Variants in PDE2A observed in about 807,000 individuals in gnomAD.
PDE2A encodes cGMP-dependent 3',5'-cyclic phosphodiesterase.
In PDE2A, 53 loss-of-function variants were observed where a neutral mutation model predicts 133.6. That is an observed-to-expected ratio of 0.40 (90% CI 0.32 to 0.50). The LOEUF is 0.50. Ranked by LOEUF, PDE2A falls within the 20% of genes least tolerant of loss-of-function variation. The pLI, the probability that PDE2A is intolerant of heterozygous loss-of-function variation, is 0.73. For missense variants in PDE2A, 796 were observed against 1,232.4 expected (o/e 0.65, Z 5.30); for synonymous variants, 491 against 490.2 (o/e 1.00, Z -0.02).
At chr11:72,615,907 G>A (rs1485592103) in intron 2 of PDE2A, among the ~76,000 whole-genome samples, 1 of 152,198 alleles carries the variant, frequency 6.6e-6, no homozygotes, top group South Asian at 2.1e-4. Context: ...GGGTGTGCAA[G>A]CAAGGGCCAA....
chr11:72,670,885 CG>C (rs1425571967), intron 1 of PDE2A, among the ~76,000 whole-genome samples: 2 of 139,918 alleles, frequency 1.4e-5, no homozygotes, highest in Non-Finnish European at 3.2e-5. Context: ...ATCCTATGTC[CG>C]GGGGTATACA....
chr11:72,633,881 C>CCTGGA (rs1052511910), intron 2 of PDE2A, among the ~76,000 whole-genome samples: 1 of 152,158 alleles, frequency 6.6e-6, no homozygotes, highest in African/African-American at 2.4e-5. Flanking sequence ...GTTCTCAAAC[C>CCTGGA]CTGGACGCCT....
chr11:72,589,292 G>T lies in PDE2A; in HGVS notation c.874-52C>A, dbSNP rs754169497. 15 of 1,345,912 alleles carry T rather than the reference G, an allele frequency of 1.1e-5. No individual in the cohort carries two copies. The South Asian group carries it at 1.3e-4, about 12-fold the overall frequency. 83.4% of individuals were successfully genotyped at this position (1,345,912 alleles called of 1,614,324 possible). A position where few individuals can be genotyped will look rare whatever the true frequency, so the allele number is the denominator to read the frequency against. ...GGGCCCAGTACTCCCCAGGTCAGGGGATCTCAACCTGTCCCCACCCTCAAA... is the reference window on the plus strand; with the variant it reads ...GGGCCCAGTACTCCCCAGGTCAGGGTATCTCAACCTGTCCCCACCCTCAAA... On this transcript the variant is annotated intron_variant, in intron 11 of 30. Transcript: ENST00000334456.
chr11:72,606,195 G>T (rs1310983961), intron 3 of PDE2A, among the ~76,000 whole-genome samples: 2 of 151,850 alleles, frequency 1.3e-5, no homozygotes, highest in African/African-American at 4.8e-5. Context: ...AAGCAGAACT[G>T]GCAACCCTTC....
Position 72,578,792 on chromosome 11 carries a change from C to T in PDE2A, c.2469+105G>A. On this transcript the variant is annotated intron_variant, in intron 28 of 30. Coordinates refer to ENST00000334456, the MANE Select transcript of PDE2A (RefSeq NM_002599.5). The surrounding 1 kb of genome is among the most constrained non-coding windows in gnomAD (Gnocchi z 4.2). Reference sequence around the variant, plus strand: ...GGTCTAGGTTTCTGTCTCCCCAGAACACAGCCAGGCTGAGCTGAGCAGAGA... The same window carrying T: ...GGTCTAGGTTTCTGTCTCCCCAGAATACAGCCAGGCTGAGCTGAGCAGAGA... 1 of 743,992 alleles carries T rather than the reference C, an allele frequency of 1.3e-6. No homozygotes were observed. The highest frequency in any genetic ancestry group is 1.6e-5 in the South Asian group (1 of 62,558). 46.1% of individuals were successfully genotyped at this position (743,992 alleles called of 1,614,324 possible). A position where few individuals can be genotyped will look rare whatever the true frequency, so the allele number is the denominator to read the frequency against.
At chr11:72,588,991 G>C in intron 12 of PDE2A, 77 bp from the exon 13 acceptor site, 1 of 1,485,370 alleles carries the variant, frequency 6.7e-7, no homozygotes, top group Admixed American at 1.8e-5. Flanking sequence ...ATCACATTTT[G>C]CAACAGGCAG....
At position 72,576,211 on chromosome 11, in the gene PDE2A, CAG is replaced by C. The variant is rs1855470493; in HGVS notation, c.*1171_*1172del. 1 of 152,522 alleles carries C rather than the reference CAG, an allele frequency of 6.6e-6. No homozygotes were observed. The highest frequency in any genetic ancestry group is 6.5e-5 in the Admixed American group (1 of 15,278). The allele number at this position is 152,522 out of a possible 1,614,324, so 9.4% of individuals were successfully genotyped here. A position where few individuals can be genotyped will look rare whatever the true frequency, so the allele number is the denominator to read the frequency against. ...CACGGGACCATATACGACAGTTGCA[CAG>C]AGTCCTAGAAAAACGCATCTCTCTA... On this transcript the variant is annotated 3_prime_UTR_variant, in exon 31 of 31. Coordinates refer to ENST00000334456, the MANE Select transcript of PDE2A (RefSeq NM_002599.5).
At chr11:72,606,222 C>G (rs1856967011) in intron 3 of PDE2A, among the ~76,000 whole-genome samples, 1 of 152,004 alleles carries the variant, frequency 6.6e-6, no homozygotes, top group Non-Finnish European at 1.5e-5. Flanking sequence ...CCTGACCAAC[C>G]CCCATGCAAC....
intron 2 of PDE2A, among the ~76,000 whole-genome samples, chr11:72,639,029 G>A (rs1333040922): frequency 3.3e-5 from 5 of 152,128 alleles, no homozygotes; most frequent in African/African-American, 7.2e-5. Context: ...CTGCGGCATC[G>A]ACCCCAGCCC....
intron 4 of PDE2A, among the ~76,000 whole-genome samples, chr11:72,603,111 G>T (rs954157748): frequency 1.3e-4 from 20 of 152,132 alleles, no homozygotes; most frequent in African/African-American, 4.8e-4. Context: ...GGATGATGAC[G>T]GGTGTGTCCT....
Position 72,577,079 on chromosome 11 carries a change from TCAGA to T in PDE2A, c.*301_*304del, listed in dbSNP as rs1435454086. 4 of 332,610 alleles carry T rather than the reference TCAGA, an allele frequency of 1.2e-5. No homozygotes were observed. The highest frequency in any genetic ancestry group is 4.4e-5 in the Admixed American group (1 of 22,786). The allele number at this position is 332,610 out of a possible 1,614,324, so 20.6% of individuals were successfully genotyped here. Reference sequence around the variant, plus strand: ...GGGCAAGGAGAAACCATCAAGCTGCTCAGACAAAGAATGGCTTGGGAAAGACTTG... The same window carrying T: ...GGGCAAGGAGAAACCATCAAGCTGCTCAAAGAATGGCTTGGGAAAGACTTG... On this transcript the variant is annotated 3_prime_UTR_variant, in exon 31 of 31. Transcript: ENST00000334456.
At chr11:72,636,116 G>C (rs1323139294) in intron 2 of PDE2A, 3 of 1,226,166 alleles carry the variant, frequency 2.4e-6, no homozygotes, top group Non-Finnish European at 1.1e-6. Context: ...GCCCCCTGAA[G>C]CCACCAGCCA....
At chr11:72,598,135 T>C (rs184344214) in intron 4 of PDE2A, among the ~76,000 whole-genome samples, 5 of 152,346 alleles carry the variant, frequency 3.3e-5, no homozygotes, top group Non-Finnish European at 4.4e-5. Context: ...GCAACTCACA[T>C]AGATGAACTC....
intron 6 of PDE2A, among the ~76,000 whole-genome samples, chr11:72,592,580 G>A (rs1392025459): frequency 1.3e-5 from 2 of 152,222 alleles, no homozygotes; most frequent in African/African-American, 4.8e-5. Flanking sequence ...AGTAGACCTT[G>A]AAGAGACCAG....
In PDE2A at chr11:72,577,565, G is replaced by C; in HGVS notation, c.2645C>G (p.Ala882Gly). 4 of 1,604,714 alleles carry C rather than the reference G, an allele frequency of 2.5e-6. No homozygotes were observed. Among genetic ancestry groups the C allele is most frequent in the Non-Finnish European group, 3.4e-6 (4 of 1,179,868 alleles). Residue 882 changes from alanine (A) to glycine (G), a missense_variant, in exon 31 of 31, where the codon GCA (alanine) becomes GGA (glycine). By Grantham distance (60) the Ala-to-Gly change is moderately conservative. Coordinates refer to ENST00000334456, the MANE Select transcript of PDE2A (RefSeq NM_002599.5). ...GGAGGCCACGCGCTCGTACAGCTCT[G>C]CCGCTTTGGGGAACAGGTCCTGCAA... Reference protein sequence around the residue: ...KLLQDLFPKAAELYERVASNR... With the variant: ...KLLQDLFPKAGELYERVASNR...
At chr11:72,656,585 A>G (rs1854907004) in intron 1 of PDE2A, among the ~76,000 whole-genome samples, 1 of 151,926 alleles carries the variant, frequency 6.6e-6, no homozygotes. Context: ...CCCACCCCCA[A>G]ACAGGCCAGA....
At chr11:72,662,535 TTGTC>T (rs1184700463) in intron 1 of PDE2A, among the ~76,000 whole-genome samples, 1 of 152,032 alleles carries the variant, frequency 6.6e-6, no homozygotes, top group Non-Finnish European at 1.5e-5. Flanking sequence ...TTAGGGGCCA[TTGTC>T]TGAGGGGGTG....
chr11:72,630,716 A>G (rs1250221441), intron 2 of PDE2A, among the ~76,000 whole-genome samples: 1 of 151,734 alleles, frequency 6.6e-6, no homozygotes, highest in Non-Finnish European at 1.5e-5. Context: ...CCCAGGGGAG[A>G]GTTGAGGGAG....
At chr11:72,634,389 C>T (rs559340968) in intron 2 of PDE2A, among the ~76,000 whole-genome samples, 39 of 152,286 alleles carry the variant, frequency 2.6e-4, no homozygotes, top group African/African-American at 8.9e-4. Flanking sequence ...TCCACTCCTG[C>T]CCCTCAGGTG....
Sources: allele counts gnomAD v4.1 joint callset (sites outside exome capture counted in the v4.1 genomes callset), GRCh38; gene constraint gnomAD v4.1.1; non-coding constraint Gnocchi (gnomAD v3.1); transcripts MANE v1.5; gene names NCBI Gene and HGNC (gene_info 2026-07-23, HGNC 2026-07-21).